The following RASGEF1C variants were observed in gnomAD, a reference collection of about 807,000 sequenced individuals.
RASGEF1C encodes the protein RasGEF domain family member 1C.
In RASGEF1C, 27 loss-of-function variants were observed where a neutral mutation model predicts 58.1. The ratio of observed to expected loss-of-function variants is 0.46; its 90% confidence interval spans 0.34 to 0.64. The LOEUF (loss-of-function observed/expected upper bound fraction) is 0.64. Ranked by LOEUF, RASGEF1C falls within the 30% of genes least tolerant of loss-of-function variation. The pLI, the probability that RASGEF1C is intolerant of heterozygous loss-of-function variation, is 0.01. For synonymous variants in RASGEF1C, 243 were observed against 246.3 expected (o/e 0.99, Z 0.13); for missense variants, 502 against 605.1 (o/e 0.83, Z 1.79).
intron 1 of RASGEF1C, among the ~76,000 whole-genome samples, chr5:180,148,915 G>A (rs1766700098): frequency 2.0e-5 from 3 of 151,928 alleles, no homozygotes; most frequent in Admixed American, 6.6e-5. Flanking sequence ...GACTTTCTTC[G>A]ATTCTTGTTT....
chr5:180,131,302 G>T (rs1030820454), intron 4 of RASGEF1C, among the ~76,000 whole-genome samples: 2 of 152,140 alleles, frequency 1.3e-5, no homozygotes, highest in Non-Finnish European at 2.9e-5. Context: ...ATGCGCCCTT[G>T]CTCCCCTTCT....
chr5:180,168,156 C>T lies in RASGEF1C; in HGVS notation c.-6-30098G>A, dbSNP rs1423856103. 2.0e-5 allele frequency among the ~76,000 whole-genome samples: 3 copies of T among 152,214 alleles called. No homozygotes were observed. The highest frequency in any genetic ancestry group is 2.1e-4 in the South Asian group (1 of 4,808). The stretch of plus-strand genomic sequence containing the variant: ...AAAAACAAACAAAAAAAAGGCCAGG[C>T]GCAGTGGCTCACACCTGTAATCCCA... On this transcript the variant is annotated intron_variant, in intron 1 of 13. Transcript: ENST00000361132. The surrounding 1 kb of genome is among the most constrained non-coding windows in gnomAD (Gnocchi z 6.0).
At chr5:180,138,181 C>G (rs1218721952) in intron 1 of RASGEF1C, 123 bp from the exon 2 acceptor site, 1 of 564,118 alleles carries the variant, frequency 1.8e-6, no homozygotes, top group Non-Finnish European at 3.0e-6. Context: ...CACTTTGTGC[C>G]AGCTTGAGTC....
chr5:180,151,949 C>G (rs1447339844), intron 1 of RASGEF1C, among the ~76,000 whole-genome samples: 1 of 151,462 alleles, frequency 6.6e-6, no homozygotes, highest in East Asian at 1.9e-4. Context: ...ATTTATGCAG[C>G]CAAAAGACAC....
chr5:180,204,599 G>A (rs560617644), intron 1 of RASGEF1C, among the ~76,000 whole-genome samples: 1 of 150,558 alleles, frequency 6.6e-6, no homozygotes, highest in Non-Finnish European at 1.5e-5. Context: ...CAATAAAATA[G>A]GAGTCAATGG....
intron 4 of RASGEF1C, among the ~76,000 whole-genome samples, chr5:180,135,475 C>T (rs1766455122): frequency 6.6e-6 from 1 of 152,210 alleles, no homozygotes; most frequent in African/African-American, 2.4e-5. Flanking sequence ...CATGTGCCCC[C>T]GCCCACGTTT....
intron 1 of RASGEF1C, among the ~76,000 whole-genome samples, chr5:180,199,183 A>G (rs1165999988): frequency 6.6e-6 from 1 of 152,182 alleles, no homozygotes; most frequent in African/African-American, 2.4e-5. Flanking sequence ...ACATTCTGCA[A>G]TTTTAAAACA....
chr5:180,114,417 C>T (rs1200892794), intron 11 of RASGEF1C, 29 bp downstream of exon 11: 2 of 1,605,584 alleles, frequency 1.2e-6, no homozygotes, highest in East Asian at 2.2e-5. Context: ...GCCTGTCTAC[C>T]TCAGTGGCGG....
chr5:180,185,884 G>A (rs989816362), intron 1 of RASGEF1C, among the ~76,000 whole-genome samples: 1 of 151,996 alleles, frequency 6.6e-6, no homozygotes, highest in Non-Finnish European at 1.5e-5. Context: ...CATAACTTGA[G>A]TCCAGCAGCT....
At position 180,196,169 on chromosome 5, in the gene RASGEF1C, G is replaced by C. The variant is rs557230062; in HGVS notation, c.-7+12859C>G. Among the ~76,000 whole-genome samples, 13 of 150,566 alleles carry C rather than the reference G, an allele frequency of 8.6e-5. 1 individual carries two copies. The South Asian group carries it at 2.7e-3, about 32-fold the overall frequency. On this transcript the variant is annotated intron_variant, in intron 1 of 13. Transcript: ENST00000361132. ...GGGCCTGGTATGTTCTGTTTGGGAA[G>C]CCTATTAATGATAAATTCAACTTAT...
At position 180,128,557 on chromosome 5, in the gene RASGEF1C, C is replaced by T. The variant is rs199522302; in HGVS notation, c.492G>A (p.Ala164=). 1.2e-4 allele frequency: 193 copies of T among 1,613,968 alleles called. No homozygotes were observed. Among genetic ancestry groups the T allele is most frequent in the Admixed American group, 3.3e-5 (2 of 60,010 alleles). The part of the protein sequence containing the change: ...QLLQALHQKL[A]ALRQGPEGLV... ...GACCTTCTGGCCCCTGGCGCAGAGCCGCCAGCTTCTGGTGCAGAGCCTGTA... is the reference window on the plus strand; with the variant it reads ...GACCTTCTGGCCCCTGGCGCAGAGCTGCCAGCTTCTGGTGCAGAGCCTGTA... The change falls in exon 5 of 14, where the codon GCG becomes GCA. Residue 164 remains alanine, a synonymous_variant. Coordinates refer to ENST00000361132, the MANE Select transcript of RASGEF1C (RefSeq NM_175062.4).
At chr5:180,118,268 C>T (rs964564580) in intron 10 of RASGEF1C, among the ~76,000 whole-genome samples, 3 of 152,104 alleles carry the variant, frequency 2.0e-5, no homozygotes, top group African/African-American at 7.2e-5. Flanking sequence ...AGGTCTGGGG[C>T]CGCTGACTCC....
At chr5:180,175,880 C>T (rs563283486) in intron 1 of RASGEF1C, among the ~76,000 whole-genome samples, 1 of 152,056 alleles carries the variant, frequency 6.6e-6, no homozygotes, top group South Asian at 2.1e-4. Flanking sequence ...CCCAGCTACT[C>T]GGGAGGCTGA....
chr5:180,173,892 A>ATG (rs1767164563), intron 1 of RASGEF1C, among the ~76,000 whole-genome samples: 2 of 146,936 alleles, frequency 1.4e-5, no homozygotes, highest in Non-Finnish European at 3.0e-5. Flanking sequence ...CAGCCTGGGC[A>ATG]ACAGAGCGAG....
At chr5:180,123,433 T>C (rs1264962791) in intron 6 of RASGEF1C, among the ~76,000 whole-genome samples, 2 of 152,250 alleles carry the variant, frequency 1.3e-5, no homozygotes, top group Non-Finnish European at 2.9e-5. Flanking sequence ...TACTTGAGAA[T>C]ACGCATTCTT....
chr5:180,193,047 GTTT>G (rs752384336), intron 1 of RASGEF1C, among the ~76,000 whole-genome samples: 1 of 72,568 alleles, frequency 1.4e-5, no homozygotes, highest in African/African-American at 3.8e-5. Flanking sequence ...CGCCCGGCCA[GTTT>G]TTTTTGTTGT....
intron 1 of RASGEF1C, among the ~76,000 whole-genome samples, chr5:180,182,162 G>A (rs1189225361): frequency 3.2e-5 from 4 of 124,406 alleles, no homozygotes; most frequent in Admixed American, 2.0e-4. Context: ...TCGAGATCGC[G>A]CCACTGAACT....
At chr5:180,208,078 C>T (rs538765100) in intron 1 of RASGEF1C, among the ~76,000 whole-genome samples, 27 of 152,260 alleles carry the variant, frequency 1.8e-4, no homozygotes, top group African/African-American at 6.3e-4. Context: ...AACCCTAGCC[C>T]CCCTCCACCG....
chr5:180,196,821 A>G (rs1293888437), intron 1 of RASGEF1C, among the ~76,000 whole-genome samples: 1 of 152,040 alleles, frequency 6.6e-6, no homozygotes, highest in Non-Finnish European at 1.5e-5. Context: ...CTGTTTATCA[A>G]TCTCCATTCT....
Sources: allele counts gnomAD v4.1 joint callset (sites outside exome capture counted in the v4.1 genomes callset), GRCh38; gene constraint gnomAD v4.1.1; non-coding constraint Gnocchi (gnomAD v3.1); transcripts MANE v1.5; gene names NCBI Gene and HGNC (gene_info 2026-07-23, HGNC 2026-07-21).